IQSEC1: variants seen among roughly 807,000 people sequenced by gnomAD.
IQSEC1 encodes the protein IQ motif and SEC7 domain-containing protein 1.
IQSEC1 carries 31 observed loss-of-function variants against 91.0 expected under a neutral mutation model. That is an observed-to-expected ratio of 0.34 (90% CI 0.26 to 0.46). The LOEUF is 0.46. Among genes scored for constraint, IQSEC1 ranks in the 20% least tolerant of loss-of-function variants. The pLI is 1.00. For missense variants in IQSEC1, 1,388 were observed against 1,575.6 expected, an observed-to-expected ratio of 0.88 and a Z score of 2.02; for synonymous variants, 699 against 662.6, an observed-to-expected ratio of 1.05 and a Z score of -0.84.
chr3:13,043,104 C>T (rs995378885), intron 1 of IQSEC1, among the ~76,000 whole-genome samples: 24 of 152,186 alleles, frequency 1.6e-4, no homozygotes, highest in Non-Finnish European at 4.4e-5. Flanking sequence ...AAAATGGAAC[C>T]GCTATGACAG....
At chr3:13,110,165 A>T (rs1706219388) in intron 2 of IQSEC1, among the ~76,000 whole-genome samples, 1 of 151,358 alleles carries the variant, frequency 6.6e-6, no homozygotes, top group Middle Eastern at 3.4e-3. Context: ...TACAGGCGTG[A>T]GCCACGGTAC....
At chr3:13,252,716 A>ATTTTTTTGT (rs534082627) in intron 1 of IQSEC1, among the ~76,000 whole-genome samples, 28 of 125,842 alleles carry the variant, frequency 2.2e-4, no homozygotes, top group African/African-American at 1.1e-3. Flanking sequence ...CTTATTATCT[A>ATTTTTTTGT]TGTTTTTTTT....
At chr3:13,004,868 C>G (rs1702569819) in intron 1 of IQSEC1, among the ~76,000 whole-genome samples, 1 of 152,162 alleles carries the variant, frequency 6.6e-6, no homozygotes, top group Non-Finnish European at 1.5e-5. Context: ...CACCAGTAAG[C>G]CCTTGACTCC....
At chr3:12,931,428 G>A (rs958414897) in intron 3 of IQSEC1, among the ~76,000 whole-genome samples, 3 of 152,212 alleles carry the variant, frequency 2.0e-5, no homozygotes, top group Non-Finnish European at 2.9e-5. Context: ...TCTCAGCCTC[G>A]CTGCCTGCAC....
chr3:13,114,248 T>C (rs1224419272), intron 2 of IQSEC1, among the ~76,000 whole-genome samples: 1 of 152,044 alleles, frequency 6.6e-6, no homozygotes. Flanking sequence ...ATTGGTGGTG[T>C]TTTTCTCGGG....
intron 2 of IQSEC1, among the ~76,000 whole-genome samples, chr3:13,151,314 T>A (rs980623037): frequency 6.6e-6 from 1 of 152,100 alleles, no homozygotes; most frequent in African/African-American, 2.4e-5. Flanking sequence ...CCCTAGTGCA[T>A]GTTGTAGCAG....
chr3:13,003,020 G>T (rs897583219), intron 1 of IQSEC1, among the ~76,000 whole-genome samples: 2 of 152,100 alleles, frequency 1.3e-5, no homozygotes, highest in Non-Finnish European at 2.9e-5. Flanking sequence ...ATCAAATCTT[G>T]TATGCAAATA....
intron 1 of IQSEC1, among the ~76,000 whole-genome samples, chr3:12,993,389 C>T (rs942980935): frequency 4.6e-5 from 7 of 152,078 alleles, no homozygotes; most frequent in African/African-American, 1.7e-4. Context: ...TGAGATGCCT[C>T]AACCTCCCGC....
At chr3:13,182,691 A>C (rs1465455032) in intron 1 of IQSEC1, among the ~76,000 whole-genome samples, 3 of 152,240 alleles carry the variant, frequency 2.0e-5, no homozygotes, top group East Asian at 3.8e-4. Flanking sequence ...ATCACTTCTA[A>C]ATCTCCCCAG....
chr3:13,025,320 G>A (rs768056177), intron 1 of IQSEC1, among the ~76,000 whole-genome samples: 4 of 152,248 alleles, frequency 2.6e-5, no homozygotes, highest in Admixed American at 1.3e-4. Context: ...CACACAGCCC[G>A]CTGGGGATGA....
intron 2 of IQSEC1, among the ~76,000 whole-genome samples, 158 bp downstream of exon 2, chr3:12,941,413 G>A (rs1399911156): frequency 6.6e-6 from 1 of 152,248 alleles, no homozygotes; most frequent in Admixed American, 6.5e-5. Flanking sequence ...GCAGCTACAG[G>A]TGGAGCTGGA....
chr3:13,058,225 A>G (rs1180500068), intron 1 of IQSEC1, among the ~76,000 whole-genome samples: 1 of 152,218 alleles, frequency 6.6e-6, no homozygotes, highest in Non-Finnish European at 1.5e-5. Context: ...GTGAGCCGAG[A>G]TGGCGCCACT....
rs760563114 is a variant in IQSEC1 at position 12,901,343 on chromosome 3, G to T, written c.2985C>A (p.Pro995=). 3 of 1,530,344 alleles carry T rather than the reference G, an allele frequency of 2.0e-6. No individual in the cohort carries two copies. The highest frequency in any genetic ancestry group is 2.0e-5 in the Admixed American group (1 of 50,846). 94.8% of individuals were successfully genotyped at this position (1,530,344 alleles called of 1,614,324 possible). ...HLPSAPALPP[P]HPPVVLPHLQ... ...AGTGAGGCAGGACCACCGGTGGGTGGGGGGGTGGCAGGGCTGGGGCTGAGG... is the reference window on the plus strand; with the variant it reads ...AGTGAGGCAGGACCACCGGTGGGTGTGGGGGTGGCAGGGCTGGGGCTGAGG... The change falls in exon 14 of 14, where the codon CCC becomes CCA. Residue 995 remains proline, a synonymous_variant. Transcript: ENST00000613206.
At chr3:13,212,167 G>A (rs1694459863) in intron 1 of IQSEC1, among the ~76,000 whole-genome samples, 1 of 152,174 alleles carries the variant, frequency 6.6e-6, no homozygotes, top group East Asian at 1.9e-4. Flanking sequence ...TGTGCTATCA[G>A]CTCTCTATTC....
intron 2 of IQSEC1, among the ~76,000 whole-genome samples, chr3:13,093,188 G>C (rs773758866): frequency 6.6e-6 from 1 of 151,468 alleles, no homozygotes; most frequent in Non-Finnish European, 1.5e-5. Context: ...AGAGGATACA[G>C]AGAGGCATTA....
intron 2 of IQSEC1, among the ~76,000 whole-genome samples, chr3:13,086,286 G>C (rs940860348): frequency 6.6e-6 from 1 of 151,968 alleles, no homozygotes; most frequent in South Asian, 2.1e-4. Flanking sequence ...AGATGATGCC[G>C]GTTTGTGCCC....
At chr3:13,074,179 A>G (rs537574631), upstream of IQSEC1, among the ~76,000 whole-genome samples, 1 of 152,312 alleles carries the variant, frequency 6.6e-6, no homozygotes, top group Non-Finnish European at 1.5e-5. Flanking sequence ...ACCCCAAGAG[A>G]GGCGGGAAGG....
intron 1 of IQSEC1, among the ~76,000 whole-genome samples, chr3:13,205,053 C>T (rs1370699720): frequency 6.6e-6 from 1 of 151,920 alleles, no homozygotes; most frequent in Non-Finnish European, 1.5e-5. Context: ...CCTCCTCGAC[C>T]TCCCAAAGTG....
chr3:12,901,664 T>TC, intron 13 of IQSEC1, 142 bp from the exon 14 acceptor site: 1 of 745,526 alleles, frequency 1.3e-6, no homozygotes, highest in Non-Finnish European at 2.2e-6. Flanking sequence ...TGGGGCTCAG[T>TC]GAGGCTGGAC....
Sources: allele counts gnomAD v4.1 joint callset (sites outside exome capture counted in the v4.1 genomes callset), GRCh38; gene constraint gnomAD v4.1.1; transcripts MANE v1.5; gene names NCBI Gene and HGNC (gene_info 2026-07-23, HGNC 2026-07-21).